Variants in PLA2G6 observed in about 807,000 individuals in gnomAD.
PLA2G6 encodes the protein phospholipase A2 group VI.
A neutral mutation model predicts 83.8 loss-of-function variants in PLA2G6; 62 were observed. The observed-to-expected ratio is 0.74, with a 90% CI of 0.60 to 0.91. The LOEUF (loss-of-function observed/expected upper bound fraction) is 0.91, where lower values mean the gene tolerates loss of function less well. PLA2G6 is among the 40% of genes least tolerant of loss of function. The probability of loss-of-function intolerance (pLI) is 0.00; values close to 1 mark genes in which losing one functional copy is unlikely to be tolerated. For missense variants in PLA2G6, 944 were observed against 1,102.0 expected (o/e 0.86, Z 2.03); for synonymous variants, 417 against 449.8 (o/e 0.93, Z 0.92).
chr22:38,161,652 G>A (rs926580875), intron 2 of PLA2G6, among the ~76,000 whole-genome samples: 2 of 152,084 alleles, frequency 1.3e-5, no homozygotes, highest in African/African-American at 2.4e-5. Flanking sequence ...TAAACACATC[G>A]GTGCTGACAA....
At chr22:38,158,964 C>T (rs1406171189) in intron 2 of PLA2G6, among the ~76,000 whole-genome samples, 1 of 151,778 alleles carries the variant, frequency 6.6e-6, no homozygotes, top group Non-Finnish European at 1.5e-5. Flanking sequence ...TTTGGGAGGC[C>T]GAGGCGGGTG....
chr22:38,155,969 T>C (rs1234584239), intron 2 of PLA2G6, among the ~76,000 whole-genome samples: 1 of 151,906 alleles, frequency 6.6e-6, no homozygotes, highest in Admixed American at 6.6e-5. Flanking sequence ...AGACTGAAAC[T>C]AAAGGGATGG....
chr22:38,150,111 C>T (rs5756932), intron 2 of PLA2G6: 58,822 of 150,248 alleles, frequency 0.39, 11,826 homozygotes, highest in South Asian at 0.48. Flanking sequence ...CAGAAATCCA[C>T]GCTTAGCACC....
chr22:38,151,492 A>T (rs971046722), intron 2 of PLA2G6, among the ~76,000 whole-genome samples: 1 of 152,082 alleles, frequency 6.6e-6, no homozygotes, highest in Non-Finnish European at 1.5e-5. Context: ...CCTCCCGCCT[A>T]GGCTTCCCAA....
rs1031069992 is a variant in PLA2G6 at position 38,153,343 on chromosome 22, C to G, written c.210-7690G>C. Among the ~76,000 whole-genome samples the G allele has an allele frequency of 7.9e-5, 12 of 152,328 alleles. No homozygotes were observed. In the East Asian group the frequency reaches 2.3e-3, roughly 29 times the overall value. ...GTGAGGAGCGCCTCTGCCCGGCCCC[C>G]GCCCTGTCTGGGAAGTGAGGAGTGC... On this transcript the variant is annotated intron_variant, in intron 2 of 16. Coordinates refer to ENST00000332509, the MANE Select transcript of PLA2G6 (RefSeq NM_003560.4).
In PLA2G6 at chr22:38,157,210, T is replaced by C. The variant is rs191526101; in HGVS notation, c.210-11557A>G. ...AAAAGATAAACAAAATCAATAAATCTTTAACTAGACTAACAAAAAAAGAGA... is the reference window on the plus strand; with the variant it reads ...AAAAGATAAACAAAATCAATAAATCCTTAACTAGACTAACAAAAAAAGAGA... On this transcript the variant is annotated intron_variant, in intron 2 of 16. Transcript: ENST00000332509. 2.8e-4 allele frequency among the ~76,000 whole-genome samples: 42 copies of C among 151,676 alleles called. 1 individual carries two copies. The highest frequency in any genetic ancestry group is 2.7e-3 in the Admixed American group (41 of 15,232).
intron 2 of PLA2G6, among the ~76,000 whole-genome samples, chr22:38,165,508 G>GC (rs1417172551): frequency 1.3e-5 from 2 of 152,224 alleles, no homozygotes; most frequent in Non-Finnish European, 2.9e-5. Context: ...GGCGGCATGA[G>GC]CTGAGAACAC....
rs138040351 is a variant in PLA2G6, at chr22:38,145,519, C to T, written c.344G>A (p.Arg115His). 22 of 1,613,060 alleles carry T rather than the reference C, an allele frequency of 1.4e-5. No individual in the cohort carries two copies. The highest frequency in any genetic ancestry group is 8.8e-5 in the South Asian group (8 of 90,790). Residue 115 changes from arginine (R) to histidine (H), a missense_variant, in exon 3 of 17, where the codon CGT becomes CAT. Physicochemically the swap from Arg to His is conservative, Grantham distance 29. Coordinates refer to ENST00000332509, the MANE Select transcript of PLA2G6 (RefSeq NM_003560.4). ...EVLQHLTDLI[R>H]NHPSWSVAHL... ...GGCCACTGACCAGCTGGGGTGGTTA[C>T]GGATGAGGTCGGTCAGGTGCTGCAG...
At chr22:38,115,877 C>A in intron 13 of PLA2G6, 196 bp from the exon 14 acceptor site, 1 of 1,480,056 alleles carries the variant, frequency 6.8e-7, no homozygotes, top group South Asian at 1.3e-5. Context: ...CAGCTGAGGA[C>A]TTTCCAGGGA....
In PLA2G6 at chr22:38,113,553, G is replaced by T; in HGVS notation, c.2136C>A (p.Ser712Arg). Residue 712 changes from serine to arginine, a missense_variant, in exon 15 of 17, where the codon AGC becomes AGA. Physicochemically the swap from Ser to Arg is moderately radical, Grantham distance 110. Transcript: ENST00000332509. ...CAGTCTTGGCCAGCTCCCAGGGGTT[G>T]CTGGGACGGAAGACATCCACACAGG... ...PVTCVDVFRP[S>R]NPWELAKTVF... The T allele has an allele frequency of 6.2e-7, 1 of 1,613,982 alleles. No homozygotes were observed. Among genetic ancestry groups the T allele is most frequent in the Non-Finnish European group, 8.5e-7 (1 of 1,179,920 alleles).
Position 38,128,648 on chromosome 22 carries a change from G to A in PLA2G6, c.1187-218C>T, listed in dbSNP as rs1194040753. ...CCTAAGGCCAGGGAAGGAGGATATG[G>A]GAGGAGGAGGTCAGTGTCACCCTGC... On this transcript the variant is annotated intron_variant, in intron 8 of 16. Coordinates refer to ENST00000332509, the MANE Select transcript of PLA2G6 (RefSeq NM_003560.4). The surrounding 1 kb of genome is among the most constrained non-coding windows in gnomAD (Gnocchi z 4.4). 6.6e-6 allele frequency among the ~76,000 whole-genome samples: 1 copy of A among 152,190 alleles called. No individual in the cohort carries two copies. The highest frequency in any genetic ancestry group is 6.5e-5 in the Admixed American group (1 of 15,276).
chr22:38,161,464 C>T (rs898866508), intron 2 of PLA2G6, among the ~76,000 whole-genome samples: 1 of 152,122 alleles, frequency 6.6e-6, no homozygotes, highest in African/African-American at 2.4e-5. Context: ...AATACCATCA[C>T]ACGAGGGATT....
chr22:38,166,451 C>T (rs1287027006), intron 2 of PLA2G6, among the ~76,000 whole-genome samples: 2 of 152,134 alleles, frequency 1.3e-5, no homozygotes, highest in African/African-American at 4.8e-5. Flanking sequence ...CAAACAAAGC[C>T]GGGCATGGTG....
At chr22:38,114,726 G>C (rs1285602142) in intron 14 of PLA2G6, among the ~76,000 whole-genome samples, 1 of 152,206 alleles carries the variant, frequency 6.6e-6, no homozygotes, top group African/African-American at 2.4e-5. Context: ...AGGACGCCCT[G>C]GGGCTTCGGG....
At chr22:38,129,590 G>A (rs770965124) in intron 7 of PLA2G6, 28 bp from the exon 8 acceptor site, 24 of 1,548,508 alleles carry the variant, frequency 1.5e-5, no homozygotes, top group Non-Finnish European at 1.8e-5. Flanking sequence ...AGGATAAGAC[G>A]TGCAACTGCC....
chr22:38,113,699 G>A (rs1019077420), intron 14 of PLA2G6, 45 bp from the exon 15 acceptor site: 3 of 1,590,276 alleles, frequency 1.9e-6, no homozygotes, highest in Admixed American at 3.3e-5. Context: ...CCTTCCACAG[G>A]TAGGGGGCAC....
intron 11 of PLA2G6, chr22:38,121,116 G>T: frequency 1.8e-6 from 1 of 550,596 alleles, no homozygotes; most frequent in Non-Finnish European, 3.3e-6. Context: ...GGTGGCTCGC[G>T]CCTGTAATCC....
chr22:38,124,684 C>A (rs1373597571), intron 10 of PLA2G6, among the ~76,000 whole-genome samples: 1 of 152,146 alleles, frequency 6.6e-6, no homozygotes, highest in African/African-American at 2.4e-5. Context: ...CCTGGAAGCT[C>A]CACCAGGGCA....
At chr22:38,179,103 T>G (rs1442819488) in intron 1 of PLA2G6, among the ~76,000 whole-genome samples, 2 of 152,190 alleles carry the variant, frequency 1.3e-5, no homozygotes, top group Non-Finnish European at 2.9e-5. Context: ...GAAATTGATC[T>G]TAAATAAATA....
Sources: allele counts gnomAD v4.1 joint callset (sites outside exome capture counted in the v4.1 genomes callset), GRCh38; gene constraint gnomAD v4.1.1; non-coding constraint Gnocchi (gnomAD v3.1); transcripts MANE v1.5; gene names NCBI Gene and HGNC (gene_info 2026-07-23, HGNC 2026-07-21).